The following RFFL variants were observed in gnomAD, a reference collection of about 807,000 sequenced individuals.
The protein encoded by RFFL is ring finger and FYVE like domain containing E3 ubiquitin protein ligase.
Under a neutral mutation model 40.4 loss-of-function variants are expected in RFFL, and 16 were observed. The observed-to-expected ratio is 0.40, with a 90% CI of 0.27 to 0.60. RFFL has a LOEUF of 0.60. Ranked by LOEUF, RFFL falls within the 20% of genes least tolerant of loss-of-function variation. RFFL has a pLI of 0.47. For missense variants in RFFL, 367 were observed against 451.7 expected (o/e 0.81, Z 1.70); for synonymous variants, 154 against 167.9 (o/e 0.92, Z 0.64).
chr17:35,046,731 G>A (rs2091202236), intron 1 of RFFL, among the ~76,000 whole-genome samples: 1 of 152,166 alleles, frequency 6.6e-6, no homozygotes, highest in Non-Finnish European at 1.5e-5. Flanking sequence ...TCTGCAGAGG[G>A]ACCTCAGCAT....
At chr17:35,034,236 G>A (rs954527678) in intron 1 of RFFL, among the ~76,000 whole-genome samples, 1 of 152,054 alleles carries the variant, frequency 6.6e-6, no homozygotes, top group Non-Finnish European at 1.5e-5. Context: ...GTGAGAGGCT[G>A]AGGACAGAGG....
rs1302729659 is a variant in RFFL, at chr17:35,008,172, C to G, written c.*3796G>C. The G allele has an allele frequency of 6.6e-6, 1 of 152,238 alleles. No homozygotes were observed. The highest frequency in any genetic ancestry group is 1.5e-5 in the Non-Finnish European group (1 of 68,046). The allele number at this position is 152,238 out of a possible 1,614,324, so 9.4% of individuals were successfully genotyped here. ...TCCTCAGATTTCAGTTCTTTAAGGC[C>G]CATCTCTTCTAGATCAGTGTAAATA... On this transcript the variant is annotated 3_prime_UTR_variant, in exon 7 of 7. Transcript: ENST00000394597.
chr17:35,044,355 C>T (rs2091184621), intron 1 of RFFL, among the ~76,000 whole-genome samples: 6 of 152,206 alleles, frequency 3.9e-5, no homozygotes, highest in Admixed American at 3.9e-4. Context: ...GGATTACAGG[C>T]AATGAGCCAG....
At chr17:35,084,311 T>A (rs2091418443) in intron 1 of RFFL, among the ~76,000 whole-genome samples, 1 of 151,836 alleles carries the variant, frequency 6.6e-6, no homozygotes, top group South Asian at 2.1e-4. Context: ...AAAGCTAGCT[T>A]CCTGCTGGAC....
chr17:35,047,751 C>CTT (rs34382647), intron 1 of RFFL, among the ~76,000 whole-genome samples: 7 of 138,352 alleles, frequency 5.1e-5, no homozygotes, highest in East Asian at 2.1e-4. Flanking sequence ...CCATGCCCAG[C>CTT]TTTTTTTTTT....
intron 1 of RFFL, among the ~76,000 whole-genome samples, chr17:35,055,127 C>A (rs1285973563): frequency 6.6e-6 from 1 of 151,904 alleles, no homozygotes; most frequent in African/African-American, 2.4e-5. Context: ...ACCGTGTTAG[C>A]CAAGATGGTC....
intron 1 of RFFL, among the ~76,000 whole-genome samples, chr17:35,078,025 T>C (rs1424341790): frequency 1.3e-5 from 2 of 152,192 alleles, no homozygotes; most frequent in African/African-American, 4.8e-5. Flanking sequence ...TCTCAATCTT[T>C]TTTTTTATGT....
intron 1 of RFFL, among the ~76,000 whole-genome samples, chr17:35,031,338 C>T (rs1200488886): frequency 2.6e-5 from 4 of 151,922 alleles, no homozygotes; most frequent in Non-Finnish European, 5.9e-5. Context: ...AACTCCTGAC[C>T]TCAGGTGATC....
At chr17:35,065,886 G>C, upstream of RFFL, among the ~76,000 whole-genome samples, 1 of 152,138 alleles carries the variant, frequency 6.6e-6, no homozygotes, top group East Asian at 1.9e-4. Flanking sequence ...GGATTTATGA[G>C]GTTACATGAA....
chr17:35,061,641 T>G (rs532894341), intron 1 of RFFL, among the ~76,000 whole-genome samples: 3 of 151,168 alleles, frequency 2.0e-5, no homozygotes, highest in African/African-American at 7.3e-5. Flanking sequence ...TTTTTTTTTT[T>G]AAATACAGAC....
At chr17:35,087,546 A>T (rs945232294) in intron 1 of RFFL, among the ~76,000 whole-genome samples, 1 of 152,206 alleles carries the variant, frequency 6.6e-6, no homozygotes, top group African/African-American at 2.4e-5. Flanking sequence ...AATGTAAACA[A>T]GAAATCACAA....
rs942915538 is a variant in RFFL at position 35,011,769 on chromosome 17, T to C, written c.*199A>G. 1.0e-5 allele frequency: 6 copies of C among 583,932 alleles called. No individual in the cohort carries two copies. The highest frequency in any genetic ancestry group is 4.5e-4 in the Middle Eastern group (1 of 2,214). 36.2% of individuals were successfully genotyped at this position (583,932 alleles called of 1,614,324 possible). A position where few individuals can be genotyped will look rare whatever the true frequency, so the allele number is the denominator to read the frequency against. On this transcript the variant is annotated 3_prime_UTR_variant, in exon 7 of 7. Transcript: ENST00000394597. The stretch of plus-strand genomic sequence containing the variant: ...CCATGTGATTTATACAAGTTCCCAC[T>C]GGCCTTGGGCTTTGCCAGCCAAGAG...
intron 1 of RFFL, among the ~76,000 whole-genome samples, chr17:35,031,187 A>C (rs1337785456): frequency 6.6e-6 from 1 of 151,806 alleles, no homozygotes; most frequent in Non-Finnish European, 1.5e-5. Context: ...GCTCACTGCA[A>C]CCTCTGCCTC....
At chr17:35,082,199 TC>T (rs1440250166) in intron 1 of RFFL, among the ~76,000 whole-genome samples, 1 of 152,118 alleles carries the variant, frequency 6.6e-6, no homozygotes, top group Non-Finnish European at 1.5e-5. Flanking sequence ...TCTTTTAGCC[TC>T]GAGTTCCAGG....
At chr17:35,031,451 G>GC (rs543883720) in intron 1 of RFFL, among the ~76,000 whole-genome samples, 223 of 152,152 alleles carry the variant, frequency 1.5e-3, no homozygotes, top group Middle Eastern at 6.8e-3. Context: ...CATGATGCAT[G>GC]CAACTTTTAC....
intron 1 of RFFL, among the ~76,000 whole-genome samples, chr17:35,028,287 A>C (rs1381178697): frequency 6.6e-6 from 1 of 151,844 alleles, no homozygotes; most frequent in Non-Finnish European, 1.5e-5. Context: ...GTGAGCCGAG[A>C]TCGTGCCACT....
Position 35,008,945 on chromosome 17 carries a change from T to C in RFFL, c.*3023A>G, listed in dbSNP as rs988380788. On this transcript the variant is annotated 3_prime_UTR_variant, in exon 7 of 7. Transcript: ENST00000394597. ...CGCACCCGGCCCTTGTTTGTTTTTTTAAGTAGAGACAAGGTCTCACTACAT... is the reference window on the plus strand; with the variant it reads ...CGCACCCGGCCCTTGTTTGTTTTTTCAAGTAGAGACAAGGTCTCACTACAT... 1 of 152,286 alleles carries C rather than the reference T, an allele frequency of 6.6e-6. No homozygotes were observed. The highest frequency in any genetic ancestry group is 2.4e-5 in the African/African-American group (1 of 41,452). The allele number at this position is 152,286 out of a possible 1,614,324, so 9.4% of individuals were successfully genotyped here.
At chr17:35,037,107 C>T (rs1407753785) in intron 1 of RFFL, among the ~76,000 whole-genome samples, 3 of 152,174 alleles carry the variant, frequency 2.0e-5, no homozygotes, top group African/African-American at 4.8e-5. Flanking sequence ...ACTTATGGTG[C>T]ACCATTGTAT....
chr17:35,073,039 G>A (rs1427725046), intron 1 of RFFL, among the ~76,000 whole-genome samples: 9 of 84,888 alleles, frequency 1.1e-4, no homozygotes, highest in African/African-American at 2.4e-4. Context: ...GTGAAACTCC[G>A]TCTCAAAAAA....
Sources: allele counts gnomAD v4.1 joint callset (sites outside exome capture counted in the v4.1 genomes callset), GRCh38; gene constraint gnomAD v4.1.1; transcripts MANE v1.5; gene names NCBI Gene and HGNC (gene_info 2026-07-23, HGNC 2026-07-21).